The following PBRM1 variants were observed in gnomAD, a reference collection of about 807,000 sequenced individuals.
PBRM1 encodes the protein protein polybromo-1.
In PBRM1, 27 loss-of-function variants were observed where a neutral mutation model predicts 194.5. The observed-to-expected ratio is 0.14, with a 90% CI of 0.10 to 0.19. The LOEUF (loss-of-function observed/expected upper bound fraction) is 0.19. PBRM1 is among the 10% of genes least tolerant of loss of function. The pLI is 1.00. For synonymous variants in PBRM1, 655 were observed against 693.2 expected (o/e 0.94, Z 0.87); for missense variants, 1,466 against 2,077.2 (o/e 0.71, Z 5.72).
chr3:52,651,104 A>G (rs1490391037), intron 6 of PBRM1, among the ~76,000 whole-genome samples: 1 of 152,222 alleles, frequency 6.6e-6, no homozygotes, highest in Non-Finnish European at 1.5e-5. Flanking sequence ...AATGGGAATA[A>G]TAACAATACT....
chr3:52,552,877 TCA>T (rs1181245512), intron 27 of PBRM1, among the ~76,000 whole-genome samples: 1 of 152,220 alleles, frequency 6.6e-6, no homozygotes, highest in Non-Finnish European at 1.5e-5. Flanking sequence ...CAACAGCAAT[TCA>T]CACAGTCCAC....
intron 3 of PBRM1, among the ~76,000 whole-genome samples, chr3:52,666,056 G>A (rs183980830): frequency 2.8e-4 from 43 of 151,860 alleles, no homozygotes; most frequent in Middle Eastern, 3.4e-3. Context: ...GGTAATAAGA[G>A]GAAAAAAGTT....
At chr3:52,587,356 G>T in exon 19 of PBRM1, 1 of 1,604,182 alleles carries the variant, frequency 6.2e-7, no homozygotes. Context: ...TTCTTACCTT[G>T]ACAAACATGA....
At chr3:52,597,294 G>GT (rs2093641713) in intron 17 of PBRM1, among the ~76,000 whole-genome samples, 1 of 152,194 alleles carries the variant, frequency 6.6e-6, no homozygotes, top group Non-Finnish European at 1.5e-5. Flanking sequence ...TGCACTTTCT[G>GT]TGTGTAGATA....
At chr3:52,625,902 C>T (rs2095432843) in intron 13 of PBRM1, among the ~76,000 whole-genome samples, 2 of 152,172 alleles carry the variant, frequency 1.3e-5, no homozygotes, top group South Asian at 2.1e-4. Context: ...ATTTGAGTGT[C>T]CCACAGACTA....
intron 17 of PBRM1, among the ~76,000 whole-genome samples, chr3:52,597,772 C>T (rs1247784438): frequency 4.0e-5 from 6 of 151,508 alleles, no homozygotes; most frequent in African/African-American, 7.3e-5. Context: ...AGCACAATCT[C>T]GGCTCACTGC....
chr3:52,662,862 C>G (rs1237481266), intron 3 of PBRM1, among the ~76,000 whole-genome samples: 2 of 148,348 alleles, frequency 1.3e-5, no homozygotes, highest in Admixed American at 1.3e-4. Context: ...CCCAAAAAAA[C>G]TAATTATTAC....
exon 1 of PBRM1, chr3:52,679,605 C>T (rs1353693878): frequency 6.2e-7 from 1 of 1,613,788 alleles, no homozygotes; most frequent in Non-Finnish European, 8.5e-7. Flanking sequence ...GGAAAGTCTC[C>T]TCCTTTTCCT....
intron 7 of PBRM1, among the ~76,000 whole-genome samples, chr3:52,645,739 A>G (rs1036058364): frequency 6.6e-6 from 1 of 152,164 alleles, no homozygotes; most frequent in Admixed American, 6.6e-5. Flanking sequence ...GGATAGACTG[A>G]ACAAAGGAAT....
intron 26 of PBRM1, among the ~76,000 whole-genome samples, chr3:52,557,850 A>C (rs2082537932): frequency 6.6e-6 from 1 of 152,250 alleles, no homozygotes; most frequent in Non-Finnish European, 1.5e-5. Flanking sequence ...AGGCAAACTG[A>C]ATACTGGAAT....
intron 22 of PBRM1, 63 bp downstream of exon 24, chr3:52,576,478 A>T: frequency 1.6e-6 from 2 of 1,290,100 alleles, no homozygotes; most frequent in Non-Finnish European, 2.2e-6. Flanking sequence ...TGCCCCACAG[A>T]AGTAGTATTC....
At chr3:52,658,716 CTTATT>C (rs1223671863) in intron 4 of PBRM1, among the ~76,000 whole-genome samples, 2 of 152,098 alleles carry the variant, frequency 1.3e-5, no homozygotes, top group African/African-American at 2.4e-5. Flanking sequence ...CTAAGCAGTA[CTTATT>C]TTAACTCCAA....
chr3:52,548,977 A>T lies in PBRM1; in HGVS notation c.4898-742T>A, dbSNP rs1269378741. Reference sequence around the variant, plus strand: ...TATGTTGAACTAAATGAATAGCCTAATCGGTTTCTAATATTTTTTTCCTTT... The same window carrying T: ...TATGTTGAACTAAATGAATAGCCTATTCGGTTTCTAATATTTTTTTCCTTT... On this transcript the variant is annotated intron_variant, in intron 29 of 29. Coordinates refer to ENST00000296302, the Ensembl canonical transcript of PBRM1. Among the ~76,000 whole-genome samples the T allele has an allele frequency of 2.6e-5, 4 of 151,868 alleles. No homozygotes were observed. In the East Asian group the frequency reaches 7.7e-4, roughly 29 times the overall value.
chr3:52,664,412 G>GAAAA (rs58727570), intron 3 of PBRM1, among the ~76,000 whole-genome samples: 32,191 of 100,248 alleles, frequency 0.32, 5,280 homozygotes, highest in East Asian at 0.44. Context: ...TGAAAGAACT[G>GAAAA]AAAAAAAAAA....
intron 11 of PBRM1, among the ~76,000 whole-genome samples, chr3:52,633,911 A>G (rs1009650848): frequency 1.3e-5 from 2 of 152,086 alleles, no homozygotes; most frequent in Non-Finnish European, 2.9e-5. Context: ...TGATTTAAGT[A>G]TTCTGTCTGG....
rs1334459420 is a variant in PBRM1 at position 52,588,958 on chromosome 3, T to C, written c.2965+112A>G. 3 of 722,964 alleles carry C rather than the reference T, an allele frequency of 4.1e-6. No homozygotes were observed. In the African/African-American group the frequency reaches 5.4e-5, roughly 13 times the overall value. The allele number at this position is 722,964 out of a possible 1,614,324, so 44.8% of individuals were successfully genotyped here. On this transcript the variant is annotated intron_variant, in intron 18 of 29. Coordinates refer to ENST00000296302, the Ensembl canonical transcript of PBRM1. ...TTACATTTATTGACATATTGAACAATTATTATGGAAAGGCTTAAGATGTCT... is the reference window on the plus strand; with the variant it reads ...TTACATTTATTGACATATTGAACAACTATTATGGAAAGGCTTAAGATGTCT...
chr3:52,625,228 G>A (rs2095409451), intron 13 of PBRM1, among the ~76,000 whole-genome samples: 2 of 152,134 alleles, frequency 1.3e-5, no homozygotes, highest in Admixed American at 6.5e-5. Flanking sequence ...GTGGTACTTG[G>A]AAAACTTAGC....
Position 52,556,023 on chromosome 3 carries a change from C to T in PBRM1, c.4454-1144G>A, listed in dbSNP as rs1217974100. Among the ~76,000 whole-genome samples, 6 of 152,198 alleles carry T rather than the reference C, an allele frequency of 3.9e-5. No individual in the cohort carries two copies. In the East Asian group the frequency reaches 1.2e-3, roughly 29 times the overall value. On this transcript the variant is annotated intron_variant, in intron 26 of 29. Coordinates refer to ENST00000296302, the Ensembl canonical transcript of PBRM1. ...AGTCACCTTTGGTCACAGCTTCTTG[C>T]AAAGGGAGGGTTGAGGGACTGGTGC...
chr3:52,665,140 T>C (rs979089673), intron 3 of PBRM1, among the ~76,000 whole-genome samples: 1 of 152,058 alleles, frequency 6.6e-6, no homozygotes. Context: ...TGGTACTGAC[T>C]CCACAAATCA....
Sources: allele counts gnomAD v4.1 joint callset (sites outside exome capture counted in the v4.1 genomes callset), GRCh38; gene constraint gnomAD v4.1.1; transcripts MANE v1.5; gene names NCBI Gene and HGNC (gene_info 2026-07-23, HGNC 2026-07-21).